Variants in EML1 observed in about 807,000 individuals in gnomAD.
EML1 encodes echinoderm microtubule-associated protein-like 1.
EML1 carries 27 observed loss-of-function variants against 110.4 expected under a neutral mutation model. The observed-to-expected ratio is 0.24, with a 90% confidence interval of 0.18 to 0.34. The LOEUF is 0.34. EML1 is among the 10% of genes least tolerant of loss of function. The pLI, the probability that EML1 is intolerant of heterozygous loss-of-function variation, is 1.00. For missense variants in EML1, 741 were observed against 1,030.9 expected, an observed-to-expected ratio of 0.72 and a Z score of 3.85; for synonymous variants, 344 against 385.8, an observed-to-expected ratio of 0.89 and a Z score of 1.27.
intron 1 of EML1, among the ~76,000 whole-genome samples, chr14:99,800,207 G>A (rs1359749406): frequency 6.6e-6 from 1 of 152,164 alleles, no homozygotes; most frequent in Non-Finnish European, 1.5e-5. Context: ...TTCTGCTGAA[G>A]GCTGCACATT....
At chr14:99,833,193 G>A (rs968564854) in intron 1 of EML1, among the ~76,000 whole-genome samples, 4 of 152,226 alleles carry the variant, frequency 2.6e-5, no homozygotes, top group African/African-American at 9.6e-5. Context: ...ATGGTGCAAT[G>A]TATGGATTGA....
At chr14:99,886,177 G>A (rs187258294) in intron 4 of EML1, 1 of 235,388 alleles carries the variant, frequency 4.2e-6, no homozygotes, top group East Asian at 1.3e-4. Flanking sequence ...ATCACGTGAA[G>A]TCATTTTTAA....
In EML1 at chr14:99,894,698, A is replaced by T. The variant is rs1380812346; in HGVS notation, c.617A>T (p.Asp206Val). The T allele has an allele frequency of 6.2e-7, 1 of 1,613,886 alleles. No homozygotes were observed. Among genetic ancestry groups the T allele is most frequent in the South Asian group, 1.1e-5 (1 of 91,002 alleles). The change falls in exon 6 of 22, where the codon GAT (aspartate) becomes GTT (valine). Residue 206 changes from aspartate to valine, a missense_variant. Asp to Val is a radical substitution (Grantham distance 152). Transcript: ENST00000262233. Reference protein sequence around the residue: ...VTMYMPKDQVDSYSLEAKVEL... With the variant: ...VTMYMPKDQVVSYSLEAKVEL... ...ATGTACATGCCCAAAGATCAAGTGG[A>T]TTCTTACAGCTTGGAAGCAAAAGTA... is the stretch of plus-strand genomic sequence containing the variant.
At chr14:99,937,676 C>G in intron 19 of EML1, 141 bp from the exon 20 acceptor site, 1 of 666,530 alleles carries the variant, frequency 1.5e-6, no homozygotes, top group Non-Finnish European at 2.6e-6. Flanking sequence ...ACACGTGGTT[C>G]CTGCCCGACT....
intron 1 of EML1, among the ~76,000 whole-genome samples, chr14:99,800,091 C>T (rs980313193): frequency 6.6e-6 from 1 of 152,140 alleles, no homozygotes; most frequent in Admixed American, 6.5e-5. Context: ...TAATTACAAA[C>T]AAAAAGTGTG....
intron 4 of EML1, among the ~76,000 whole-genome samples, chr14:99,888,198 T>C (rs1309521979): frequency 1.3e-5 from 2 of 152,242 alleles, no homozygotes; most frequent in African/African-American, 4.8e-5. Flanking sequence ...GTTGTTAACA[T>C]TCCTGCTACC....
chr14:99,900,050 T>C (rs1271446011), intron 8 of EML1, among the ~76,000 whole-genome samples: 4 of 152,150 alleles, frequency 2.6e-5, no homozygotes, highest in Admixed American at 1.3e-4. Flanking sequence ...TGATGTTTTC[T>C]TCTATTAAGG....
intron 1 of EML1, among the ~76,000 whole-genome samples, chr14:99,801,355 C>T (rs192819724): frequency 1.6e-3 from 239 of 152,280 alleles, no homozygotes; most frequent in African/African-American, 5.5e-3. Flanking sequence ...GTGGCTCATG[C>T]CTGTAATCCC....
At chr14:99,885,776 G>T (rs1289789136) in intron 4 of EML1, 1 of 400,632 alleles carries the variant, frequency 2.5e-6, no homozygotes, top group Non-Finnish European at 5.0e-6. Flanking sequence ...GAAGAGGGAA[G>T]CCATATTAAT....
In EML1 at chr14:99,939,070, G is replaced by C; in HGVS notation, c.2192-127G>C. ...GGAACTGAGGCTATTGTGCTTTTTT[G>C]ACCCTTGTTTCTAAAGCTGGACTTC... On this transcript the variant is annotated intron_variant, in intron 20 of 21. Transcript: ENST00000262233. The surrounding 1 kb of genome is among the most constrained non-coding windows in gnomAD (Gnocchi z 4.2). 2.1e-6 allele frequency: 3 copies of C among 1,440,720 alleles called. No individual in the cohort carries two copies. The highest frequency in any genetic ancestry group is 2.8e-5 in the South Asian group (2 of 71,244). 89.2% of individuals were successfully genotyped at this position (1,440,720 alleles called of 1,614,324 possible). A position where few individuals can be genotyped will look rare whatever the true frequency, so the allele number is the denominator to read the frequency against.
At chr14:99,790,666 G>A (rs1312182813), upstream of EML1, among the ~76,000 whole-genome samples, 1 of 152,156 alleles carries the variant, frequency 6.6e-6, no homozygotes, top group East Asian at 1.9e-4. Context: ...GATGGGAAAT[G>A]AGGAAGATGA....
chr14:99,911,671 A>G (rs2059948956), intron 13 of EML1, 95 bp downstream of exon 13: 15 of 1,414,276 alleles, frequency 1.1e-5, no homozygotes, highest in Non-Finnish European at 1.4e-5. Flanking sequence ...AGTTTTGAAA[A>G]TTGTTTAGGT....
At chr14:99,891,264 C>G in intron 5 of EML1, 37 bp downstream of exon 5, 1 of 1,613,178 alleles carries the variant, frequency 6.2e-7, no homozygotes, top group Non-Finnish European at 8.5e-7. Flanking sequence ...GAACCCCTCA[C>G]TCACTCTCTC....
intron 3 of EML1, among the ~76,000 whole-genome samples, chr14:99,868,211 A>C (rs886351350): frequency 6.6e-6 from 1 of 152,020 alleles, no homozygotes; most frequent in African/African-American, 2.4e-5. Flanking sequence ...TGTTGTTTTC[A>C]GTTTACTAGT....
intron 1 of EML1, among the ~76,000 whole-genome samples, chr14:99,767,716 A>G (rs1420914073): frequency 6.6e-6 from 1 of 151,818 alleles, no homozygotes; most frequent in Non-Finnish European, 1.5e-5. Context: ...AAAAAACAAA[A>G]GCCAAATACA....
Position 99,937,917 on chromosome 14 carries a change from G to A in EML1, c.2191+5G>A, listed in dbSNP as rs779709067. ...CTTTGGGATTCCATGTTTTTGGTAA[G>A]TTTGCTGCAGATTTCACTGGTTCCA... is the stretch of plus-strand genomic sequence containing the variant. On this transcript the variant is annotated splice_donor_5th_base_variant and intron_variant, in intron 20 of 21. Transcript: ENST00000262233. The A allele has an allele frequency of 6.2e-7, 1 of 1,612,970 alleles. No homozygotes were observed. Among genetic ancestry groups the A allele is most frequent in the Admixed American group, 1.7e-5 (1 of 59,986 alleles).
At position 99,856,512 on chromosome 14, in the gene EML1, G is replaced by C. The variant is rs375845032; in HGVS notation, c.250+5477G>C. On this transcript the variant is annotated intron_variant, in intron 2 of 21. Transcript: ENST00000262233. ...ATAATTAACTTAGTTCTTTATCCTG[G>C]TTAACCAAAATTAAGGAGCAAGTGG... Among the ~76,000 whole-genome samples the C allele has an allele frequency of 2.0e-5, 3 of 152,242 alleles. 1 individual carries two copies. The South Asian group carries it at 6.2e-4, about 32-fold the overall frequency.
intron 2 of EML1, among the ~76,000 whole-genome samples, chr14:99,852,931 G>C (rs567039637): frequency 1.3e-5 from 2 of 152,084 alleles, no homozygotes; most frequent in African/African-American, 4.8e-5. Context: ...AATAGAAACC[G>C]CATTATTTTA....
At chr14:99,839,808 G>A (rs961760689) in intron 1 of EML1, among the ~76,000 whole-genome samples, 2 of 152,202 alleles carry the variant, frequency 1.3e-5, no homozygotes, top group Non-Finnish European at 2.9e-5. Context: ...AGTGATGAAC[G>A]TCAGAGCCGG....
Sources: gnomAD v4.1 joint callset for allele counts (sites outside exome capture counted in the v4.1 genomes callset) on GRCh38, gnomAD v4.1.1 for gene constraint, Gnocchi (gnomAD v3.1) non-coding constraint, MANE v1.5 for transcripts, NCBI Gene and HGNC (gene_info 2026-07-23, HGNC 2026-07-21) for gene names.